The following EFHC1 variants were observed in gnomAD, a reference collection of about 807,000 sequenced individuals.
The protein encoded by EFHC1 is EF-hand domain-containing protein 1.
In EFHC1, 53 loss-of-function variants were observed where a neutral mutation model predicts 69.9. The ratio of observed to expected loss-of-function variants is 0.76; its 90% confidence interval spans 0.61 to 0.95. The LOEUF (loss-of-function observed/expected upper bound fraction) is 0.95. Ranked by LOEUF, EFHC1 falls within the 40% of genes least tolerant of loss-of-function variation. EFHC1 has a pLI of 0.00. For synonymous variants in EFHC1, 256 were observed against 278.4 expected (o/e 0.92, Z 0.80); for missense variants, 739 against 798.7 (o/e 0.93, Z 0.90).
At chr6:52,423,882 G>T (rs1764243572) in intron 1 of EFHC1, 64 bp from the exon 2 acceptor site, 6 of 1,475,546 alleles carry the variant, frequency 4.1e-6, no homozygotes, top group Admixed American at 1.8e-5. Context: ...TTAAAAGTTA[G>T]TTTTTTTTTT....
At chr6:52,489,703 T>C (rs1765855781) in intron 9 of EFHC1, among the ~76,000 whole-genome samples, 1 of 152,206 alleles carries the variant, frequency 6.6e-6, no homozygotes, top group Non-Finnish European at 1.5e-5. Flanking sequence ...CTATAAAAGG[T>C]TGATTCTTGG....
intron 6 of EFHC1, among the ~76,000 whole-genome samples, chr6:52,465,451 TTTG>T (rs1765282170): frequency 6.6e-6 from 1 of 152,140 alleles, no homozygotes; most frequent in Non-Finnish European, 1.5e-5. Context: ...TGAAAGGCAA[TTTG>T]TTGTCTATTT....
chr6:52,469,606 AC>A, intron 7 of EFHC1, 133 bp downstream of exon 7: 1 of 1,308,376 alleles, frequency 7.6e-7, no homozygotes, highest in South Asian at 1.2e-5. Flanking sequence ...TGTATCTAGT[AC>A]CCAGCCTTCA....
At chr6:52,461,315 G>A (rs749858312) in intron 5 of EFHC1, among the ~76,000 whole-genome samples, 9 of 152,108 alleles carry the variant, frequency 5.9e-5, no homozygotes, top group Non-Finnish European at 1.2e-4. Context: ...ATTGAGAAAC[G>A]TGGTACTTGA....
At chr6:52,423,669 T>TC in intron 1 of EFHC1, 1 of 451,606 alleles carries the variant, frequency 2.2e-6, no homozygotes, top group Non-Finnish European at 3.8e-6. Context: ...TTTTTTTTTT[T>TC]TTTTTTTTTT....
intron 9 of EFHC1, chr6:52,486,243 T>C (rs1272649215): frequency 6.6e-6 from 1 of 152,192 alleles, no homozygotes; most frequent in Non-Finnish European, 1.5e-5. Context: ...AGCCAGAAAA[T>C]TAGAATAATG....
At chr6:52,445,134 G>A (rs370154805) in intron 3 of EFHC1, among the ~76,000 whole-genome samples, 2 of 151,038 alleles carry the variant, frequency 1.3e-5, no homozygotes, top group African/African-American at 2.4e-5. Context: ...CTGTGGGATC[G>A]ATGGTGATAT....
intron 1 of EFHC1, among the ~76,000 whole-genome samples, chr6:52,421,612 T>C (rs1240309387): frequency 2.0e-5 from 3 of 152,226 alleles, no homozygotes; most frequent in Non-Finnish European, 2.9e-5. Flanking sequence ...ACTCTTGCCT[T>C]CCTCTCCAGC....
At chr6:52,478,985 A>G (rs1765604904) in intron 7 of EFHC1, 52 bp from the exon 8 acceptor site, 3 of 1,573,986 alleles carry the variant, frequency 1.9e-6, no homozygotes, top group Non-Finnish European at 2.6e-6. Context: ...AAGTTGGCAC[A>G]TCTGCATAGA....
intron 9 of EFHC1, chr6:52,488,297 C>T (rs1010834786): frequency 1.3e-5 from 2 of 152,130 alleles, no homozygotes; most frequent in African/African-American, 4.8e-5. Flanking sequence ...CATTCTGCTT[C>T]TATAATTAAT....
chr6:52,453,634 A>G (rs991896199), intron 4 of EFHC1: 1 of 1,254,674 alleles, frequency 8.0e-7, no homozygotes. Flanking sequence ...AAAAAAAAAA[A>G]AAAAAGATTG....
intron 5 of EFHC1, among the ~76,000 whole-genome samples, chr6:52,456,326 T>C (rs1765043672): frequency 6.6e-6 from 1 of 152,226 alleles, no homozygotes; most frequent in South Asian, 2.1e-4. Context: ...ATAGTAATTT[T>C]GGCCTTTCAG....
intron 7 of EFHC1, among the ~76,000 whole-genome samples, chr6:52,474,753 A>G (rs896410590): frequency 2.6e-5 from 4 of 152,222 alleles, no homozygotes; most frequent in African/African-American, 9.6e-5. Flanking sequence ...AAAAGAATGC[A>G]TACATATTAT....
rs1257923235 is a variant in EFHC1 at position 52,494,634 on chromosome 6, A to G, written c.*2293A>G. 2.2e-6 allele frequency: 1 copy of G among 453,974 alleles called. No homozygotes were observed. The highest frequency in any genetic ancestry group is 2.0e-5 in the African/African-American group (1 of 49,998). 28.1% of individuals were successfully genotyped at this position (453,974 alleles called of 1,614,324 possible). ...ACATGTGCAGGTTTGTTACATGAGT[A>G]TATTGCACCCAGGTAGTGAGCATAG... On this transcript the variant is annotated 3_prime_UTR_variant, in exon 11 of 11. Transcript: ENST00000371068.
chr6:52,453,292 G>C (rs534579312), intron 4 of EFHC1: 15 of 1,287,404 alleles, frequency 1.2e-5, no homozygotes, highest in African/African-American at 1.1e-4. Context: ...ATGCTTCCTT[G>C]TTAAATGTTA....
chr6:52,437,264 C>T (rs1218151778), intron 2 of EFHC1, among the ~76,000 whole-genome samples: 2 of 152,076 alleles, frequency 1.3e-5, no homozygotes. Context: ...CAGTTTGAAA[C>T]CAAAAATCGC....
rs575128249 is a variant in EFHC1, at chr6:52,448,377, C to G, written c.574-4311C>G. On this transcript the variant is annotated intron_variant, in intron 3 of 10. Coordinates refer to ENST00000371068, the MANE Select transcript of EFHC1 (RefSeq NM_018100.4). ...GGTGTGGGACCCTCTGAGCCAGGTG[C>G]GGGATATAATCTCCTGGTGTGCCAT... Among the ~76,000 whole-genome samples the G allele has an allele frequency of 5.3e-5, 8 of 152,308 alleles. No individual in the cohort carries two copies. In the East Asian group the frequency reaches 1.3e-3, roughly 26 times the overall value.
chr6:52,491,179 T>C (rs1369875758), intron 10 of EFHC1, among the ~76,000 whole-genome samples: 1 of 152,166 alleles, frequency 6.6e-6, no homozygotes, highest in Admixed American at 6.6e-5. Context: ...AGAGTATTTG[T>C]TCATGTGGAC....
chr6:52,443,675 G>T (rs1406596697), intron 3 of EFHC1, among the ~76,000 whole-genome samples: 4 of 152,196 alleles, frequency 2.6e-5, no homozygotes, highest in African/African-American at 9.7e-5. Context: ...GTACCATGTT[G>T]TTTTGGTTAC....
Sources: gnomAD v4.1 joint callset for allele counts (sites outside exome capture counted in the v4.1 genomes callset) on GRCh38, gnomAD v4.1.1 for gene constraint, MANE v1.5 for transcripts, NCBI Gene and HGNC (gene_info 2026-07-23, HGNC 2026-07-21) for gene names.